Variants in DOCK5 observed in about 807,000 individuals in gnomAD.
The protein encoded by DOCK5 is dedicator of cytokinesis protein 5.
In DOCK5, 142 loss-of-function variants were observed where a neutral mutation model predicts 251.8. The observed-to-expected ratio is 0.56, with a 90% CI of 0.49 to 0.65. The LOEUF is 0.65. DOCK5 is among the 30% of genes least tolerant of loss of function. The pLI is 0.00. For synonymous variants in DOCK5, 842 were observed against 835.5 expected, an observed-to-expected ratio of 1.01 and a Z score of -0.13; for missense variants, 2,111 against 2,312.3, an observed-to-expected ratio of 0.91 and a Z score of 1.79.
chr8:25,240,003 A>G (rs1401076394), intron 1 of DOCK5, among the ~76,000 whole-genome samples: 2 of 152,108 alleles, frequency 1.3e-5, no homozygotes, highest in East Asian at 1.9e-4. Context: ...TGCAGGGTGC[A>G]CTGCAGGCCC....
intron 39 of DOCK5, 150 bp downstream of exon 39, chr8:25,380,544 G>A (rs1801047158): frequency 2.9e-6 from 2 of 680,738 alleles, no homozygotes; most frequent in South Asian, 1.9e-5. Flanking sequence ...GAAAAAAGAT[G>A]TAGTCCAAAG....
In DOCK5 at chr8:25,378,057, C is replaced by T. The variant is rs1442271737; in HGVS notation, c.3936+633C>T. Among the ~76,000 whole-genome samples the T allele has an allele frequency of 6.6e-5, 10 of 152,224 alleles. No homozygotes were observed. In the East Asian group the frequency reaches 1.7e-3, roughly 26 times the overall value. ...TGAGCCACTGTGGGGTTTCATTATA[C>T]AGGCAGGATTGAATGAATCGTTAAC... On this transcript the variant is annotated intron_variant, in intron 38 of 51. Coordinates refer to ENST00000276440, the MANE Select transcript of DOCK5 (RefSeq NM_024940.8).
chr8:25,403,793 G>T lies in DOCK5; in HGVS notation c.5093+69G>T, dbSNP rs958221144. On this transcript the variant is annotated intron_variant, in intron 48 of 51. Transcript: ENST00000276440. ...CTTACTAATGTTTGCCTTTAGCCAC[G>T]CATCACTCCTTTGAGAAAAATAGCC... 12 of 1,523,232 alleles carry T rather than the reference G, an allele frequency of 7.9e-6. 1 individual carries two copies. The South Asian group carries it at 1.3e-4, about 17-fold the overall frequency. The allele number at this position is 1,523,232 out of a possible 1,614,324, so 94.4% of individuals were successfully genotyped here. A position where few individuals can be genotyped will look rare whatever the true frequency, so the allele number is the denominator to read the frequency against.
At chr8:25,298,676 C>T (rs185989030) in intron 7 of DOCK5, among the ~76,000 whole-genome samples, 4 of 152,228 alleles carry the variant, frequency 2.6e-5, no homozygotes, top group Admixed American at 2.6e-4. Context: ...TCATAACTCA[C>T]TCACTGCAGC....
At chr8:25,186,439 A>G (rs1472020057) in intron 1 of DOCK5, among the ~76,000 whole-genome samples, 10 of 151,320 alleles carry the variant, frequency 6.6e-5, no homozygotes, top group East Asian at 1.9e-4. Flanking sequence ...CAGTGGCGCA[A>G]TCTCGGCTCA....
chr8:25,200,373 T>G (rs1801852078), intron 1 of DOCK5, among the ~76,000 whole-genome samples: 2 of 152,216 alleles, frequency 1.3e-5, no homozygotes, highest in Admixed American at 1.3e-4. Context: ...TGTTGGCTAA[T>G]TGGGGATGGA....
intron 28 of DOCK5, among the ~76,000 whole-genome samples, chr8:25,360,450 C>G (rs10097091): frequency 0.31 from 47,136 of 151,878 alleles, 7,551 homozygotes; most frequent in East Asian, 0.35. Flanking sequence ...GAGGAGGAAG[C>G]CCAAGGTTAG....
At chr8:25,240,354 A>G (rs535156638) in intron 1 of DOCK5, among the ~76,000 whole-genome samples, 10 of 151,974 alleles carry the variant, frequency 6.6e-5, no homozygotes, top group African/African-American at 2.4e-4. Context: ...CATATAATTC[A>G]CTGATTTTTA....
chr8:25,220,789 A>C (rs1221932483), intron 1 of DOCK5, among the ~76,000 whole-genome samples: 2 of 151,928 alleles, frequency 1.3e-5, no homozygotes, highest in East Asian at 3.9e-4. Context: ...ATTTTTGTAG[A>C]GTTGGGGTTT....
intron 1 of DOCK5, among the ~76,000 whole-genome samples, chr8:25,243,332 CTT>C (rs539379147): frequency 1.5e-4 from 21 of 138,578 alleles, no homozygotes; most frequent in African/African-American, 1.8e-4. Context: ...GACATGCATT[CTT>C]TTTTTTTTTT....
intron 26 of DOCK5, among the ~76,000 whole-genome samples, chr8:25,348,078 G>A (rs1303835300): frequency 6.6e-6 from 1 of 152,146 alleles, no homozygotes; most frequent in Non-Finnish European, 1.5e-5. Flanking sequence ...CATCATGATG[G>A]TACCTTTTTT....
At chr8:25,239,227 A>G (rs2117536705) in intron 1 of DOCK5, among the ~76,000 whole-genome samples, 1 of 152,104 alleles carries the variant, frequency 6.6e-6, no homozygotes, top group East Asian at 1.9e-4. Flanking sequence ...ACAAAGACAG[A>G]TAATTACGGG....
chr8:25,345,283 C>T (rs1410218490), intron 25 of DOCK5, 192 bp from the exon 26 acceptor site: 5 of 475,882 alleles, frequency 1.1e-5, no homozygotes, highest in South Asian at 4.9e-5. Flanking sequence ...CATTCATCTG[C>T]GCATTGAACA....
chr8:25,388,850 C>A (rs938847975), intron 40 of DOCK5: 1 of 479,512 alleles, frequency 2.1e-6, no homozygotes. Flanking sequence ...GTCCTTGGGC[C>A]ACACTGGAAG....
chr8:25,311,256 T>C (rs1279541990), intron 13 of DOCK5, among the ~76,000 whole-genome samples: 3 of 152,088 alleles, frequency 2.0e-5, no homozygotes, highest in African/African-American at 7.2e-5. Context: ...AAAACAACCA[T>C]GGCTTGGCCG....
In DOCK5 at chr8:25,408,165, G is replaced by A. The variant is rs1403425088; in HGVS notation, c.5265+11G>A. The A allele has an allele frequency of 3.2e-6, 5 of 1,559,378 alleles. No homozygotes were observed. The highest frequency in any genetic ancestry group is 1.7e-4 in the Middle Eastern group (1 of 5,948). ...GAACCCGATTTGATGGTAAAAAACA[G>A]AAAAGAAAAAAAGAAATCTCTGGAG... On this transcript the variant is annotated intron_variant, in intron 49 of 51. Transcript: ENST00000276440.
intron 13 of DOCK5, among the ~76,000 whole-genome samples, chr8:25,315,089 C>T (rs570728724): frequency 1.4e-5 from 2 of 147,710 alleles, no homozygotes; most frequent in African/African-American, 2.5e-5. Context: ...GCTCCTCCCT[C>T]GCTGAAAACA....
rs113308003 is a variant in DOCK5 at position 25,392,160 on chromosome 8, C to T, written c.4440+180C>T. ...GTACTAAAAATACAAAAAAATTAGC[C>T]GGGCGTGGTGGCACGCACCTGTAGT... On this transcript the variant is annotated intron_variant, in intron 43 of 51. Transcript: ENST00000276440. Among the ~76,000 whole-genome samples, 374 of 152,222 alleles carry T rather than the reference C, an allele frequency of 2.5e-3. 3 individuals are homozygous for T. In the South Asian group the frequency reaches 0.025, roughly 10 times the overall value.
At chr8:25,395,087 C>G (rs1009144535) in intron 44 of DOCK5, among the ~76,000 whole-genome samples, 7 of 152,114 alleles carry the variant, frequency 4.6e-5, no homozygotes, top group African/African-American at 1.4e-4. Context: ...GCTTGTTTTC[C>G]TGCAACTAGA....
Sources: gnomAD v4.1 joint callset for allele counts (sites outside exome capture counted in the v4.1 genomes callset) on GRCh38, gnomAD v4.1.1 for gene constraint, MANE v1.5 for transcripts, NCBI Gene and HGNC (gene_info 2026-07-23, HGNC 2026-07-21) for gene names.